Variants in ZNF821 observed in about 807,000 individuals in gnomAD.
ZNF821 encodes the protein zinc finger protein 821.
In ZNF821, 16 loss-of-function variants were observed where a neutral mutation model predicts 44.3. The observed-to-expected ratio is 0.36, with a 90% CI of 0.24 to 0.55. ZNF821 has a LOEUF of 0.55. Among genes scored for constraint, ZNF821 ranks in the 20% least tolerant of loss-of-function variants. The pLI, the probability that ZNF821 is intolerant of heterozygous loss-of-function variation, is 0.86. For missense variants in ZNF821, 436 were observed against 547.6 expected (o/e 0.80, Z 2.03); for synonymous variants, 204 against 197.6 (o/e 1.03, Z -0.27).
exon 1 of ZNF821, chr16:71,894,964 C>A (rs970191134): frequency 1.2e-6 from 1 of 823,454 alleles, no homozygotes. Context: ...CAGACCGGAG[C>A]GATGCTGGTC....
At chr16:71,883,098 T>TG (rs776961556) in intron 2 of ZNF821, 113 bp downstream of exon 2, 98 of 456,370 alleles carry the variant, frequency 2.1e-4, no homozygotes, top group Non-Finnish European at 4.1e-4. Flanking sequence ...CCCTGAACAC[T>TG]GTCTCTGCTC....
chr16:71,880,643 C>A (rs1162140390), intron 2 of ZNF821, among the ~76,000 whole-genome samples: 1 of 152,222 alleles, frequency 6.6e-6, no homozygotes, highest in African/African-American at 2.4e-5. Context: ...CTAAGCAAAT[C>A]AAACTTCTAA....
rs577861179 is a variant in ZNF821 at position 71,877,602 on chromosome 16, A to G, written c.40+2305T>C. Among the ~76,000 whole-genome samples the G allele has an allele frequency of 1.2e-4, 18 of 152,054 alleles. 1 individual carries two copies. In the South Asian group the frequency reaches 3.7e-3, roughly 32 times the overall value. ...AGAAATTTTAGTTATCTTGTCAATT[A>G]CTTGACTAATCTGTCCTCTCCAATG... On this transcript the variant is annotated intron_variant, in intron 3 of 7. Transcript: ENST00000425432.
chr16:71,894,175 C>A (rs2036918844), intron 1 of ZNF821: 1 of 152,232 alleles, frequency 6.6e-6, no homozygotes, highest in African/African-American at 2.4e-5. Context: ...CTAGCTCCTA[C>A]TTGTCATATG....
At chr16:71,891,110 C>A (rs1456993092) in intron 1 of ZNF821, among the ~76,000 whole-genome samples, 3 of 152,126 alleles carry the variant, frequency 2.0e-5, no homozygotes, top group Non-Finnish European at 4.4e-5. Context: ...ATATAAAAAT[C>A]ATTCTTAGCT....
At chr16:71,887,490 T>C (rs376951348), upstream of ZNF821, among the ~76,000 whole-genome samples, 470 of 152,280 alleles carry the variant, frequency 3.1e-3, 1 homozygote, top group Non-Finnish European at 5.5e-3. Context: ...CTTGATCTCC[T>C]GACCTCGTGA....
chr16:71,872,871 A>C (rs758514659), intron 3 of ZNF821, among the ~76,000 whole-genome samples: 19 of 152,380 alleles, frequency 1.2e-4, no homozygotes, highest in Non-Finnish European at 2.4e-4. Context: ...GTTGAAGTTG[A>C]AAGTTTTAAG....
intron 3 of ZNF821, among the ~76,000 whole-genome samples, chr16:71,874,079 C>A (rs1276999306): frequency 6.6e-6 from 1 of 151,820 alleles, no homozygotes; most frequent in Non-Finnish European, 1.5e-5. Flanking sequence ...CTGCCTTAGC[C>A]TCCCGAGTAG....
chr16:71,867,688 A>G (rs910996698), intron 4 of ZNF821, among the ~76,000 whole-genome samples: 2 of 148,614 alleles, frequency 1.3e-5, no homozygotes, highest in East Asian at 1.9e-4. Flanking sequence ...CTCTGTCACA[A>G]AAAAAAAAAA....
At chr16:71,879,262 G>A (rs2036177449) in intron 3 of ZNF821, among the ~76,000 whole-genome samples, 1 of 152,032 alleles carries the variant, frequency 6.6e-6, no homozygotes, top group Non-Finnish European at 1.5e-5. Context: ...CTCTGAACAT[G>A]TGGATTCCCG....
At chr16:71,895,094 C>G (rs2036934321) in exon 1 of ZNF821, 1 of 386,478 alleles carries the variant, frequency 2.6e-6, no homozygotes, top group African/African-American at 2.1e-5. Context: ...CTCGGCCGCT[C>G]CACCCAGGGG....
Position 71,861,803 on chromosome 16 carries a change from C to T in ZNF821, c.557G>A (p.Arg186Gln), listed in dbSNP as rs780354213. 41 of 1,614,120 alleles carry T rather than the reference C, an allele frequency of 2.5e-5. No homozygotes were observed. Among genetic ancestry groups the T allele is most frequent in the East Asian group, 6.7e-5 (3 of 44,884 alleles). Reference sequence around the variant, plus strand: ...GTTAAAAGTGGCATGGCTGGTGAACCGGGCTCCACACACAGCACAGTTAGA... The same window carrying T: ...GTTAAAAGTGGCATGGCTGGTGAACTGGGCTCCACACACAGCACAGTTAGA... ...QRSNCAVCGA[R>Q]FTSHATFNSE... Residue 186 changes from arginine to glutamine, a missense_variant, in exon 7 of 8, where the codon CGG (arginine) becomes CAG (glutamine). Physicochemically the swap from Arg to Gln is conservative, Grantham distance 43 (BLOSUM62 1). This residue lies in a region of ZNF821 where 238 missense variants were observed against 281.4 expected (regional missense o/e 0.85). Transcript: ENST00000425432.
At chr16:71,872,330 T>C (rs771665227) in intron 3 of ZNF821, among the ~76,000 whole-genome samples, 8 of 150,438 alleles carry the variant, frequency 5.3e-5, no homozygotes, top group Non-Finnish European at 1.2e-4. Flanking sequence ...AGAGAGCAGA[T>C]AGGCCGGGCG....
At chr16:71,870,389 G>A (rs1195804891) in intron 3 of ZNF821, among the ~76,000 whole-genome samples, 3 of 150,800 alleles carry the variant, frequency 2.0e-5, no homozygotes, top group African/African-American at 7.3e-5. Flanking sequence ...AAATGAATTT[G>A]ATGGGGGAAT....
upstream of ZNF821, among the ~76,000 whole-genome samples, chr16:71,887,465 G>A (rs1336107439): frequency 6.6e-6 from 1 of 152,090 alleles, no homozygotes. Context: ...GTTTCACCGT[G>A]TTAGCCAGGA....
upstream of ZNF821, chr16:71,884,832 G>A (rs902105496): frequency 2.0e-5 from 3 of 151,782 alleles, no homozygotes; most frequent in Non-Finnish European, 4.4e-5. Flanking sequence ...GGGATGTTTG[G>A]GGGCAATGGA....
Position 71,879,892 on chromosome 16 carries a change from A to G in ZNF821, c.40+15T>C. The G allele has an allele frequency of 6.2e-7, 1 of 1,611,602 alleles. No homozygotes were observed. Among genetic ancestry groups the G allele is most frequent in the Non-Finnish European group, 8.5e-7 (1 of 1,178,850 alleles). ...TAGCATTCCCAGGTTCCAGAAGACA[A>G]AGCCCGATACTCACAGTGAACTTTA... On this transcript the variant is annotated intron_variant, in intron 3 of 7. Coordinates refer to ENST00000425432, the MANE Select transcript of ZNF821 (RefSeq NM_001201552.2).
intron 6 of ZNF821, among the ~76,000 whole-genome samples, chr16:71,862,787 C>T (rs1307843423): frequency 6.6e-6 from 1 of 152,134 alleles, no homozygotes; most frequent in African/African-American, 2.4e-5. Context: ...TTGTCAACAC[C>T]GACCAGGAGG....
At chr16:71,873,399 G>A (rs376912870) in intron 3 of ZNF821, among the ~76,000 whole-genome samples, 33 of 152,100 alleles carry the variant, frequency 2.2e-4, no homozygotes, top group South Asian at 6.2e-4. Context: ...ATTTCAGCCC[G>A]TCAGCAGTTT....
Sources: allele counts gnomAD v4.1 joint callset (sites outside exome capture counted in the v4.1 genomes callset), GRCh38; gene constraint gnomAD v4.1.1; regional missense constraint gnomAD v4.1.1; transcripts MANE v1.5; gene names NCBI Gene and HGNC (gene_info 2026-07-23, HGNC 2026-07-21).